MXRA5: variants seen among roughly 807,000 people sequenced by gnomAD.
MXRA5 encodes the protein matrix remodeling associated 5.
A neutral mutation model predicts 112.5 loss-of-function variants in MXRA5; 41 were observed. The observed-to-expected ratio is 0.36, with a 90% CI of 0.28 to 0.47. The LOEUF is 0.47. MXRA5 is among the 20% of genes least tolerant of loss of function. The pLI is 0.99. For synonymous variants in MXRA5, 862 were observed against 900.8 expected (o/e 0.96, Z 0.77); for missense variants, 2,150 against 2,251.0 (o/e 0.96, Z 0.91).
In MXRA5 at chrX:3,317,447, G is replaced by A; in HGVS notation, c.6234C>T (p.Ser2078=). 8.4e-7 allele frequency: 1 copy of A among 1,196,891 alleles called. No homozygotes were observed. Among genetic ancestry groups the A allele is most frequent in the Non-Finnish European group, 1.1e-6 (1 of 888,285 alleles). Residue 2078 remains serine (S), a synonymous_variant, in exon 6 of 7, where the codon AGC becomes AGT. Transcript: ENST00000217939. Reference sequence around the variant, plus strand: ...TACCGTCCCCGAGCACCCAGCGCACGCTGGGCAGGGGCGCAGCCTTGGCAG... The same window carrying A: ...TACCGTCCCCGAGCACCCAGCGCACACTGGGCAGGGGCGCAGCCTTGGCAG... ...HCTAKAAPLP[S]VRWVLGDGTQ...
intron 5 of MXRA5, 69 bp from the exon 6 acceptor site, chrX:3,318,072 ATTAG>A (rs1921201061): frequency 1.1e-6 from 1 of 900,177 alleles, no homozygotes. Flanking sequence ...AACGAGCAGT[ATTAG>A]TTAATCTAAT....
rs749273201 is a variant in MXRA5 at position 3,321,540 on chromosome X, G to A, written c.4145C>T (p.Pro1382Leu). 8.3e-7 allele frequency: 1 copy of A among 1,210,002 alleles called. No homozygotes were observed. The highest frequency in any genetic ancestry group is 1.7e-5 in the African/African-American group (1 of 57,842). ...VGFPGTPTWN[P>L]SRTAQPGRLQ... ...CCTCCCAGGCTGGGCCGTCCTTGAG[G>A]GATTCCAGGTTGGAGTTCCTGGAAA... Residue 1382 changes from proline to leucine, a missense_variant, in exon 5 of 7, where the codon CCC becomes CTC. Physicochemically the swap from Pro to Leu is moderately conservative, Grantham distance 98. Transcript: ENST00000217939.
intron 6 of MXRA5, among the ~76,000 whole-genome samples, chrX:3,315,462 T>G (rs1921091829): frequency 9.3e-6 from 1 of 107,634 alleles, no homozygotes; most frequent in Non-Finnish European, 1.9e-5. Flanking sequence ...CTTGGCACTA[T>G]GGACATTGAA....
Position 3,309,634 on chromosome X carries a change from G to A in MXRA5, c.*82C>T. 1 of 839,089 alleles carries A rather than the reference G, an allele frequency of 1.2e-6. No individual in the cohort carries two copies. Among genetic ancestry groups the A allele is most frequent in the Non-Finnish European group, 1.7e-6 (1 of 590,482 alleles). 69.2% of individuals were successfully genotyped at this position (839,089 alleles called of 1,213,427 possible). On this transcript the variant is annotated 3_prime_UTR_variant, in exon 7 of 7. Coordinates refer to ENST00000217939, the MANE Select transcript of MXRA5 (RefSeq NM_015419.4). The stretch of plus-strand genomic sequence containing the variant: ...CCATGCACTGTGACACATTATTTAA[G>A]AGCTCCTATTCCCCAACCTGGCTTC...
chrX:3,317,222 C>T lies in MXRA5; in HGVS notation c.6459G>A (p.Pro2153=), dbSNP rs757002267. ...CTCCGTACCTGACGTCCGTCCTCCGCGGGGAGGTGCCCGTGATGCGCGCGT... is the reference window on the plus strand; with the variant it reads ...CTCCGTACCTGACGTCCGTCCTCCGTGGGGAGGTGCCCGTGATGCGCGCGT... ...AANARITGTS[P]RRTDVRYGGT... is the part of the protein sequence containing the mutation. The change falls in exon 6 of 7, where the codon CCG becomes CCA. Residue 2153 remains proline, a synonymous_variant. Coordinates refer to ENST00000217939, the MANE Select transcript of MXRA5 (RefSeq NM_015419.4). 24 of 1,210,036 alleles carry T rather than the reference C, an allele frequency of 2.0e-5. No homozygotes were observed. Among genetic ancestry groups the T allele is most frequent in the Non-Finnish European group, 2.6e-5 (23 of 895,140 alleles).
Position 3,317,653 on chromosome X carries a change from G to A in MXRA5, c.6028C>T (p.Leu2010Phe). ...GAGAAGGACGCCTCCTTGATGGAAA[G>A]GGTCCGGTTTTCGTGCAGGGTGATG... ...GRITLHENRT[L>F]SIKEASFSDR... Residue 2010 changes from leucine to phenylalanine, a missense_variant, in exon 6 of 7, where the codon CTT becomes TTT. Leu to Phe is a conservative substitution (Grantham distance 22). Coordinates refer to ENST00000217939, the MANE Select transcript of MXRA5 (RefSeq NM_015419.4). 8.3e-7 allele frequency: 1 copy of A among 1,205,892 alleles called. No individual in the cohort carries two copies. The highest frequency in any genetic ancestry group is 3.0e-5 in the East Asian group (1 of 33,694).
chrX:3,320,496 A>G lies in MXRA5; in HGVS notation c.5189T>C (p.Leu1730Pro). Residue 1730 changes from leucine (L) to proline (P), a missense_variant, in exon 5 of 7, where the codon CTC becomes CCC. Physicochemically the swap from Leu to Pro is moderately conservative, Grantham distance 98 (BLOSUM62 -3). Around this residue, in one of 6 missense-constraint regions of MXRA5, gnomAD observed 1,485 missense variants for 1,471.6 expected, o/e 1.01. Transcript: ENST00000217939. ...PRIPHYSNGR[L>P]PFFTNKTLSF... Reference sequence around the variant, plus strand: ...AAGAGTCTTGTTGGTAAAGAAAGGGAGTCTTCCATTGGAATAATGAGGAAT... The same window carrying G: ...AAGAGTCTTGTTGGTAAAGAAAGGGGGTCTTCCATTGGAATAATGAGGAAT... 2 of 1,211,244 alleles carry G rather than the reference A, an allele frequency of 1.7e-6. No individual in the cohort carries two copies. Among genetic ancestry groups the G allele is most frequent in the Non-Finnish European group, 2.2e-6 (2 of 895,143 alleles).
rs1189404021 is a variant in MXRA5, at chrX:3,330,782, T to C, written c.189-9A>G. ...CCTGTATGCTATTAAACCTAAAGAA[T>C]GGTAATAATAATAATAACAATAATA... On this transcript the variant is annotated splice_polypyrimidine_tract_variant and intron_variant, in intron 2 of 6. Transcript: ENST00000217939. 9.2e-7 allele frequency: 1 copy of C among 1,081,657 alleles called. No homozygotes were observed. The highest frequency in any genetic ancestry group is 2.6e-5 in the Admixed American group (1 of 38,458). The allele number at this position is 1,081,657 out of a possible 1,213,427, so 89.1% of individuals were successfully genotyped here.
At chrX:3,337,270 C>T (rs1200558772) in intron 2 of MXRA5, among the ~76,000 whole-genome samples, 1 of 111,793 alleles carries the variant, frequency 8.9e-6, no homozygotes, top group East Asian at 2.8e-4. Flanking sequence ...AGTTATTGGC[C>T]ATCTTTCTGT....
chrX:3,326,431 ACT>A (rs780984049), intron 4 of MXRA5, among the ~76,000 whole-genome samples: 79 of 101,182 alleles, frequency 7.8e-4, no homozygotes, highest in African/African-American at 1.9e-3. Flanking sequence ...TATATTTATA[ACT>A]CTCTGCATAT....
Position 3,324,565 on chromosome X carries a change from A to T in MXRA5, c.1120T>A (p.Tyr374Asn), listed in dbSNP as rs1425790107. 2 of 1,209,290 alleles carry T rather than the reference A, an allele frequency of 1.7e-6. No individual in the cohort carries two copies. The highest frequency in any genetic ancestry group is 2.2e-6 in the Non-Finnish European group (2 of 895,009). ...GCTATCAATTTCCATAGCTTTTCAT[A>T]GTTTTCTCGGGTCATTGGACACTCA... Reference protein sequence around the residue: ...DFECPMTRENYEKLWKLIAYY... With the variant: ...DFECPMTRENNEKLWKLIAYY... The change falls in exon 5 of 7, where the codon TAT (tyrosine) becomes AAT (asparagine). Residue 374 changes from tyrosine to asparagine, a missense_variant. Tyr to Asn is a moderately radical substitution (Grantham distance 143, BLOSUM62 -2). Coordinates refer to ENST00000217939, the MANE Select transcript of MXRA5 (RefSeq NM_015419.4).
At position 3,311,209 on chromosome X, in the gene MXRA5, T is replaced by C. The variant is rs751751463; in HGVS notation, c.6994A>G (p.Lys2332Glu). 4 of 1,211,685 alleles carry C rather than the reference T, an allele frequency of 3.3e-6. No homozygotes were observed. Among genetic ancestry groups the C allele is most frequent in the Non-Finnish European group, 4.5e-6 (4 of 895,526 alleles). The change falls in exon 7 of 7, where the codon AAG (lysine) becomes GAG (glutamate). Residue 2332 changes from lysine (K) to glutamate (E), a missense_variant. Physicochemically the swap from Lys to Glu is moderately conservative, Grantham distance 56. Around this residue, in one of 6 missense-constraint regions of MXRA5, gnomAD observed 1,485 missense variants for 1,471.6 expected, o/e 1.01. Transcript: ENST00000217939. ...YTCFAENQVGKDEMRVRVKVV... is the reference protein window; with the variant it reads ...YTCFAENQVGEDEMRVRVKVV... ...TTGACTCTGACTCTCATCTCGTCCTTCCCGACCTGATTTTCAGCAAAGCAG... is the reference window on the plus strand; with the variant it reads ...TTGACTCTGACTCTCATCTCGTCCTCCCCGACCTGATTTTCAGCAAAGCAG...
Position 3,311,207 on chromosome X carries a change from C to A in MXRA5, c.6996G>T (p.Lys2332Asn), listed in dbSNP as rs766565747. 8.3e-7 allele frequency: 1 copy of A among 1,211,924 alleles called. No individual in the cohort carries two copies. The highest frequency in any genetic ancestry group is 2.2e-5 in the Admixed American group (1 of 46,070). Residue 2332 changes from lysine to asparagine, a missense_variant, in exon 7 of 7, where the codon AAG becomes AAT. Physicochemically the swap from Lys to Asn is moderately conservative, Grantham distance 94. Transcript: ENST00000217939. ...YTCFAENQVGKDEMRVRVKVV... is the reference protein window; with the variant it reads ...YTCFAENQVGNDEMRVRVKVV... The stretch of plus-strand genomic sequence containing the variant: ...CCTTGACTCTGACTCTCATCTCGTC[C>A]TTCCCGACCTGATTTTCAGCAAAGC...
At position 3,317,257 on chromosome X, in the gene MXRA5, C is replaced by T; in HGVS notation, c.6424G>A (p.Ala2142Thr). The stretch of plus-strand genomic sequence containing the variant: ...CCCGTGATGCGCGCGTTGGCTGCTG[C>T]ACGCTGCACGTTCAGCTGCACCGTC... ...RRTVQLNVQR[A>T]AANARITGTS... Residue 2142 changes from alanine to threonine, a missense_variant, in exon 6 of 7, where the codon GCA (alanine) becomes ACA (threonine). Transcript: ENST00000217939. The T allele has an allele frequency of 8.3e-7, 1 of 1,210,275 alleles. No individual in the cohort carries two copies. Among genetic ancestry groups the T allele is most frequent in the Non-Finnish European group, 1.1e-6 (1 of 894,877 alleles).
In MXRA5 at chrX:3,317,978, C is replaced by T. The variant is rs768813028; in HGVS notation, c.5703G>A (p.Arg1901=). The change falls in exon 6 of 7, where the codon AGG becomes AGA. Residue 1901 remains arginine (R), a synonymous_variant. Transcript: ENST00000217939. ...TCTTGAGAACCTCAAACCGTTGTAT[C>T]CTGGTATTCGGAGTCATAAGAGCTC... ...STGALMTPNT[R]IQRFEVLKNG... 3.3e-6 allele frequency: 4 copies of T among 1,200,179 alleles called. No individual in the cohort carries two copies. Among genetic ancestry groups the T allele is most frequent in the Non-Finnish European group, 4.5e-6 (4 of 889,017 alleles).
rs776809937 is a variant in MXRA5, at chrX:3,320,154, G to T, written c.5531C>A (p.Ser1844Tyr). 5.8e-6 allele frequency: 7 copies of T among 1,208,848 alleles called. No individual in the cohort carries two copies. In the East Asian group the frequency reaches 1.8e-4, roughly 31 times the overall value. ...SKFFAGGPPA[S>Y]KFWSLGEKPQ... The stretch of plus-strand genomic sequence containing the variant: ...CTTTTCCCCAAGAGACCAGAATTTG[G>T]ATGCAGGAGGTCCTCCTGCAAAGAA... Residue 1844 changes from serine to tyrosine, a missense_variant, in exon 5 of 7, where the codon TCC becomes TAC. Physicochemically the swap from Ser to Tyr is moderately radical, Grantham distance 144. Coordinates refer to ENST00000217939, the MANE Select transcript of MXRA5 (RefSeq NM_015419.4).
Position 3,317,521 on chromosome X carries a change from G to T in MXRA5, c.6160C>A (p.Leu2054Met). 8.3e-7 allele frequency: 1 copy of T among 1,204,353 alleles called. No individual in the cohort carries two copies. The highest frequency in any genetic ancestry group is 1.1e-6 in the Non-Finnish European group (1 of 892,166). The change falls in exon 6 of 7, where the codon CTG becomes ATG. Residue 2054 changes from leucine (L) to methionine (M), a missense_variant. By Grantham distance (15) the Leu-to-Met change is conservative. Transcript: ENST00000217939. Reference sequence around the variant, plus strand: ...CCCGGGGGCAGCGAGATGTTCTCCAGCTTCTCCTGGTGGATAACGGGGGGC... The same window carrying T: ...CCCGGGGGCAGCGAGATGTTCTCCATCTTCTCCTGGTGGATAACGGGGGGC... ...ALPPVIHQEKLENISLPPGLS... is the reference protein window; with the variant it reads ...ALPPVIHQEKMENISLPPGLS...
At position 3,320,400 on chromosome X, in the gene MXRA5, C is replaced by A. The variant is rs1341313577; in HGVS notation, c.5285G>T (p.Arg1762Ile). Reference sequence around the variant, plus strand: ...GTTGTAGGAACCTGGAATAACTTTTCTCTCTCTCATTACTGGGGCAGGAGA... The same window carrying A: ...GTTGTAGGAACCTGGAATAACTTTTATCTCTCTCATTACTGGGGCAGGAGA... ...PTSPAPVMRE[R>I]KVIPGSYNRI... is the part of the protein sequence containing the mutation. The change falls in exon 5 of 7, where the codon AGA becomes ATA. Residue 1762 changes from arginine to isoleucine, a missense_variant. Physicochemically the swap from Arg to Ile is moderately conservative, Grantham distance 97. Transcript: ENST00000217939. 2 of 1,211,612 alleles carry A rather than the reference C, an allele frequency of 1.7e-6. No individual in the cohort carries two copies. Among genetic ancestry groups the A allele is most frequent in the South Asian group, 1.8e-5 (1 of 56,969 alleles).
At chrX:3,330,565 A>G in intron 3 of MXRA5, 79 bp downstream of exon 3, 1 of 1,155,354 alleles carries the variant, frequency 8.7e-7, no homozygotes, top group South Asian at 2.1e-5. Context: ...ATCATTAAGG[A>G]GAATGACATA....
Sources: allele counts gnomAD v4.1 joint callset (sites outside exome capture counted in the v4.1 genomes callset), GRCh38; gene constraint gnomAD v4.1.1; regional missense constraint gnomAD v4.1.1; transcripts MANE v1.5; gene names NCBI Gene and HGNC (gene_info 2026-07-23, HGNC 2026-07-21).